Variants in ATP2B2 observed in about 807,000 individuals in gnomAD.
ATP2B2 encodes plasma membrane calcium-transporting ATPase 2.
A neutral mutation model predicts 120.0 loss-of-function variants in ATP2B2; 15 were observed. That is an observed-to-expected ratio of 0.12 (90% CI 0.08 to 0.19). The LOEUF is 0.19. ATP2B2 is among the 10% of genes least tolerant of loss of function. The pLI is 1.00. For missense variants in ATP2B2, 1,045 were observed against 1,719.8 expected, an observed-to-expected ratio of 0.61 and a Z score of 6.94; for synonymous variants, 694 against 700.3, an observed-to-expected ratio of 0.99 and a Z score of 0.14.
Position 10,328,081 on chromosome 3 carries a change from C to T in ATP2B2, c.*733G>A, listed in dbSNP as rs2059889903. The T allele has an allele frequency of 6.6e-6, 1 of 151,198 alleles. No individual in the cohort carries two copies. The highest frequency in any genetic ancestry group is 6.6e-5 in the Admixed American group (1 of 15,128). 9.4% of individuals were successfully genotyped at this position (151,198 alleles called of 1,614,324 possible). ...AGCAATTTAAGCGGAAACAAGGCAA[C>T]ATGCCGGCAAAGAAACTTTATATAT... On this transcript the variant is annotated 3_prime_UTR_variant, in exon 23 of 23. Transcript: ENST00000360273.
intron 2 of ATP2B2, among the ~76,000 whole-genome samples, chr3:10,415,912 G>A (rs978103060): frequency 6.6e-6 from 1 of 152,220 alleles, no homozygotes; most frequent in Non-Finnish European, 1.5e-5. Context: ...GAGCACTAGA[G>A]GAGGAGCCAG....
intron 2 of ATP2B2, among the ~76,000 whole-genome samples, chr3:10,427,635 G>A (rs1373488524): frequency 1.3e-5 from 2 of 152,166 alleles, no homozygotes; most frequent in Admixed American, 6.5e-5. Context: ...GTCTCCTCAG[G>A]ACACAAAGAC....
intron 1 of ATP2B2, among the ~76,000 whole-genome samples, chr3:10,498,608 C>G (rs952626362): frequency 2.0e-5 from 3 of 152,226 alleles, no homozygotes; most frequent in Non-Finnish European, 4.4e-5. Flanking sequence ...ACAAAATGGT[C>G]CCGGGGCAGC....
chr3:10,335,375 G>A (rs2060087207), intron 22 of ATP2B2, among the ~76,000 whole-genome samples: 1 of 152,230 alleles, frequency 6.6e-6, no homozygotes, highest in Non-Finnish European at 1.5e-5. Context: ...GGCAGCTGAT[G>A]CAGTCAAAAG....
chr3:10,350,856 T>C (rs533629344), intron 14 of ATP2B2, among the ~76,000 whole-genome samples: 26 of 152,342 alleles, frequency 1.7e-4, no homozygotes, highest in African/African-American at 6.0e-4. Flanking sequence ...TGACGGTCCA[T>C]CCTGAGACAG....
chr3:10,698,845 T>C (rs1175726112), intron 1 of ATP2B2, among the ~76,000 whole-genome samples: 1 of 152,234 alleles, frequency 6.6e-6, no homozygotes, highest in Admixed American at 6.5e-5. Flanking sequence ...AAAATGGGGA[T>C]GGAGACATTC....
chr3:10,596,426 C>T (rs924612864), intron 2 of ATP2B2, among the ~76,000 whole-genome samples: 17 of 152,232 alleles, frequency 1.1e-4, no homozygotes, highest in Admixed American at 7.9e-4. Flanking sequence ...TAACCGGTCT[C>T]ATGCAGTGAC....
intron 2 of ATP2B2, among the ~76,000 whole-genome samples, chr3:10,597,388 C>A (rs1354959433): frequency 3.3e-5 from 5 of 151,884 alleles, no homozygotes; most frequent in Admixed American, 2.0e-4. Flanking sequence ...TACACACAGG[C>A]ACAGAGGCAC....
upstream of ATP2B2, among the ~76,000 whole-genome samples, chr3:10,510,561 G>A (rs1035169843): frequency 6.6e-5 from 10 of 152,332 alleles, no homozygotes; most frequent in African/African-American, 2.4e-4. Context: ...CCTTAGCCCC[G>A]TGAGGGTCCA....
At chr3:10,599,415 C>T (rs530494247) in intron 2 of ATP2B2, among the ~76,000 whole-genome samples, 4 of 152,338 alleles carry the variant, frequency 2.6e-5, no homozygotes, top group South Asian at 2.1e-4. Context: ...GAAGCTTTCC[C>T]CTCCCTGCAG....
chr3:10,663,444 C>T (rs1237929874), intron 1 of ATP2B2, among the ~76,000 whole-genome samples: 1 of 152,106 alleles, frequency 6.6e-6, no homozygotes, highest in East Asian at 1.9e-4. Flanking sequence ...AAGCATGACT[C>T]TAGTAGGGCA....
chr3:10,357,347 G>A (rs1264625641), intron 14 of ATP2B2, among the ~76,000 whole-genome samples: 1 of 152,092 alleles, frequency 6.6e-6, no homozygotes, highest in Non-Finnish European at 1.5e-5. Context: ...AGCCAGCTGT[G>A]CCGGCACTCA....
intron 2 of ATP2B2, among the ~76,000 whole-genome samples, chr3:10,589,474 ACGCAGTTC>A (rs2068591800): frequency 1.3e-5 from 2 of 152,168 alleles, no homozygotes; most frequent in South Asian, 4.1e-4. Context: ...CTGTTGCCAA[ACGCAGTTC>A]CGCTGCGATG....
chr3:10,583,368 G>A (rs2068435572), intron 2 of ATP2B2, among the ~76,000 whole-genome samples: 1 of 152,168 alleles, frequency 6.6e-6, no homozygotes, highest in Non-Finnish European at 1.5e-5. Context: ...CCAATAAAGT[G>A]CCTGTGGAGT....
intron 2 of ATP2B2, among the ~76,000 whole-genome samples, chr3:10,555,952 G>A (rs986412250): frequency 1.3e-5 from 2 of 152,220 alleles, no homozygotes; most frequent in Non-Finnish European, 2.9e-5. Flanking sequence ...AGGCTGGAGT[G>A]CAGTGGCACA....
chr3:10,543,898 C>A (rs2067489042), intron 2 of ATP2B2, among the ~76,000 whole-genome samples: 1 of 152,028 alleles, frequency 6.6e-6, no homozygotes, highest in Admixed American at 6.6e-5. Flanking sequence ...GTCATCATGC[C>A]CGTCTAATTT....
At chr3:10,575,933 G>T (rs1418428171) in intron 2 of ATP2B2, among the ~76,000 whole-genome samples, 1 of 152,228 alleles carries the variant, frequency 6.6e-6, no homozygotes, top group Non-Finnish European at 1.5e-5. Context: ...TTCTGAGCAA[G>T]ATAGGAAACC....
intron 1 of ATP2B2, among the ~76,000 whole-genome samples, chr3:10,650,897 G>A (rs1435845842): frequency 6.6e-6 from 1 of 152,234 alleles, no homozygotes; most frequent in Non-Finnish European, 1.5e-5. Flanking sequence ...TTGCATCCAT[G>A]TGACCTGGAT....
chr3:10,416,437 G>A (rs1262831392), intron 2 of ATP2B2, among the ~76,000 whole-genome samples: 1 of 152,154 alleles, frequency 6.6e-6, no homozygotes, highest in Non-Finnish European at 1.5e-5. Flanking sequence ...CCATTAAAGA[G>A]GTTTCATTTG....
Sources: gnomAD v4.1 joint callset for allele counts (sites outside exome capture counted in the v4.1 genomes callset) on GRCh38, gnomAD v4.1.1 for gene constraint, MANE v1.5 for transcripts, NCBI Gene and HGNC (gene_info 2026-07-23, HGNC 2026-07-21) for gene names.